The following POTEH variants were observed in gnomAD, a reference collection of about 807,000 sequenced individuals.
POTEH encodes the protein POTE ankyrin domain family member H.
In POTEH, 6 loss-of-function variants were observed where a neutral mutation model predicts 41.7. The observed-to-expected ratio is 0.14, with a 90% CI of 0.08 to 0.28. POTEH has a LOEUF of 0.28. Among genes scored for constraint, POTEH ranks in the 10% least tolerant of loss-of-function variants. The probability of loss-of-function intolerance (pLI) is 1.00; values close to 1 mark genes in which losing one functional copy is unlikely to be tolerated. For synonymous variants in POTEH, 38 were observed against 179.9 expected (o/e 0.21, Z 6.31); for missense variants, 115 against 533.5 (o/e 0.22, Z 7.73).
At chr22:15,717,580 C>G (rs1281714228) in intron 9 of POTEH, among the ~76,000 whole-genome samples, 2 of 111,488 alleles carry the variant, frequency 1.8e-5, no homozygotes, top group African/African-American at 2.9e-5. Flanking sequence ...TGCTTGTTTA[C>G]CGTTTGTACA....
At chr22:15,713,485 C>A (rs1381138786) in intron 9 of POTEH, among the ~76,000 whole-genome samples, 2 of 152,258 alleles carry the variant, frequency 1.3e-5, no homozygotes, top group African/African-American at 4.8e-5. Flanking sequence ...GCTCAGTCCT[C>A]AATCTTCTTT....
intron 9 of POTEH, among the ~76,000 whole-genome samples, chr22:15,714,363 C>G (rs1253858425): frequency 2.6e-5 from 4 of 152,216 alleles, no homozygotes; most frequent in African/African-American, 9.7e-5. Flanking sequence ...TGATTGCCTC[C>G]CATTTCACGC....
intron 4 of POTEH, 138 bp downstream of exon 4, chr22:15,698,906 C>CAATT: frequency 6.9e-7 from 1 of 1,451,696 alleles, no homozygotes; most frequent in Non-Finnish European, 9.3e-7. Context: ...GGTAGAAAAA[C>CAATT]AATTATTTGG....
intron 1 of POTEH, among the ~76,000 whole-genome samples, chr22:15,691,230 T>C (rs1338690681): frequency 1.4e-5 from 2 of 140,930 alleles, no homozygotes; most frequent in African/African-American, 2.6e-5. Context: ...TTTCTGAAGA[T>C]GTGAGCTTTT....
intron 1 of POTEH, among the ~76,000 whole-genome samples, chr22:15,691,331 T>G (rs143857277): frequency 0.29 from 26,199 of 91,604 alleles, 2,450 homozygotes; most frequent in African/African-American, 0.39. Flanking sequence ...AGACCATCCT[T>G]GCTAACACGG....
intron 3 of POTEH, chr22:15,697,613 A>C (rs1287752241): frequency 1.3e-5 from 2 of 153,692 alleles, no homozygotes; most frequent in Non-Finnish European, 2.2e-5. Flanking sequence ...CAGCCTCCCA[A>C]AGTGCTAGGA....
Position 15,697,497 on chromosome 22 carries a change from CTTTTTA to C in POTEH, c.922-1141_922-1136del, listed in dbSNP as rs1283667681. 16 of 132,434 alleles carry C rather than the reference CTTTTTA, an allele frequency of 1.2e-4. 3 individuals are homozygous for C. The highest frequency in any genetic ancestry group is 1.5e-4 in the South Asian group (2 of 13,532). The allele number at this position is 132,434 out of a possible 1,614,324, so 8.2% of individuals were successfully genotyped here. ...ACCTCAGTTGTTTTTTTCTTTCTTT[CTTTTTA>C]TTTTTATTTTTATTTTTATTTTTTT... On this transcript the variant is annotated intron_variant, in intron 3 of 10. Transcript: ENST00000343518.
At chr22:15,711,272 C>T (rs1989817181) in intron 9 of POTEH, among the ~76,000 whole-genome samples, 1 of 152,104 alleles carries the variant, frequency 6.6e-6, no homozygotes. Context: ...TTTATTTTAG[C>T]TTCAGGGTAC....
At chr22:15,691,012 AC>A (rs1259805249) in intron 1 of POTEH, among the ~76,000 whole-genome samples, 1 of 141,732 alleles carries the variant, frequency 7.1e-6, no homozygotes, top group Non-Finnish European at 1.6e-5. Flanking sequence ...AGATTTTAAA[AC>A]AATGTTCTAT....
intron 9 of POTEH, among the ~76,000 whole-genome samples, chr22:15,713,478 C>A (rs1270175897): frequency 6.6e-6 from 1 of 152,286 alleles, no homozygotes; most frequent in East Asian, 1.9e-4. Flanking sequence ...TCTCATGGCT[C>A]AGTCCTCAAT....
intron 8 of POTEH, among the ~76,000 whole-genome samples, chr22:15,710,405 A>G (rs2010682): frequency 0.81 from 105,790 of 131,042 alleles, 43,660 homozygotes; most frequent in East Asian, 0.97. Context: ...GCCATCTTCC[A>G]TTCTATTCCT....
At chr22:15,708,612 A>G (rs1439135214) in intron 7 of POTEH, among the ~76,000 whole-genome samples, 3 of 146,906 alleles carry the variant, frequency 2.0e-5, no homozygotes, top group Non-Finnish European at 4.4e-5. Context: ...AATAGATTCT[A>G]ATTTAATATT....
chr22:15,713,753 G>T (rs1277230729), intron 9 of POTEH, among the ~76,000 whole-genome samples: 1 of 152,302 alleles, frequency 6.6e-6, no homozygotes, highest in Admixed American at 6.5e-5. Flanking sequence ...GCCCGCCTTG[G>T]CCTCACGAAG....
chr22:15,709,028 C>T (rs1214072442), intron 7 of POTEH, among the ~76,000 whole-genome samples: 1 of 151,110 alleles, frequency 6.6e-6, no homozygotes, highest in Admixed American at 6.6e-5. Flanking sequence ...AAAAGCAACC[C>T]AACTGCCTAT....
chr22:15,708,513 C>CAAAAA (rs1165699401), intron 7 of POTEH, among the ~76,000 whole-genome samples: 5 of 7,240 alleles, frequency 6.9e-4, no homozygotes, highest in Admixed American at 2.0e-3. Flanking sequence ...GACTCTGTGT[C>CAAAAA]AAAAAAAAAA....
intron 9 of POTEH, among the ~76,000 whole-genome samples, chr22:15,711,388 G>A (rs1470716644): frequency 9.2e-5 from 14 of 151,808 alleles, no homozygotes; most frequent in South Asian, 6.2e-4. Flanking sequence ...TTTTTTGGTC[G>A]TCTCCCTCCT....
In POTEH at chr22:15,691,922, T is replaced by C. The variant is rs1478820387; in HGVS notation, c.632+1213T>C. ...AAATCAGAGTATAGATTAAAAATTT[T>C]AAATATACAAAAAGAGAAACATACC... On this transcript the variant is annotated intron_variant, in intron 1 of 10. Transcript: ENST00000343518. Among the ~76,000 whole-genome samples the C allele has an allele frequency of 4.7e-3, 696 of 146,752 alleles. 6 individuals are homozygous for C. The highest frequency in any genetic ancestry group is 0.017 in the African/African-American group (664 of 40,164).
At chr22:15,699,980 T>A (rs1251774626) in intron 4 of POTEH, 98 bp from the exon 5 acceptor site, 1 of 1,157,394 alleles carries the variant, frequency 8.6e-7, no homozygotes, top group Admixed American at 2.9e-5. Context: ...CATGTAAATG[T>A]TTGATTCTGC....
intron 9 of POTEH, among the ~76,000 whole-genome samples, chr22:15,714,194 TGC>T (rs1299556214): frequency 1.1e-4 from 16 of 148,928 alleles, no homozygotes; most frequent in African/African-American, 4.0e-4. Context: ...AGTCATATCT[TGC>T]ACATGTGAGC....
Sources: allele counts gnomAD v4.1 joint callset (sites outside exome capture counted in the v4.1 genomes callset), GRCh38; gene constraint gnomAD v4.1.1; transcripts MANE v1.5; gene names NCBI Gene and HGNC (gene_info 2026-07-23, HGNC 2026-07-21).